Variants in LMNTD1 observed in about 807,000 individuals in gnomAD.
The protein encoded by LMNTD1 is lamin tail domain containing 1.
LMNTD1 carries 35 observed loss-of-function variants against 50.9 expected under a neutral mutation model. The ratio of observed to expected loss-of-function variants is 0.69; its 90% CI spans 0.53 to 0.91. The LOEUF (loss-of-function observed/expected upper bound fraction) is 0.91, where lower values mean the gene tolerates loss of function less well. Ranked by LOEUF, LMNTD1 falls within the 40% of genes least tolerant of loss-of-function variation. LMNTD1 has a pLI of 0.00. For missense variants in LMNTD1, 470 were observed against 475.5 expected, an observed-to-expected ratio of 0.99 and a Z score of 0.11; for synonymous variants, 153 against 161.9, an observed-to-expected ratio of 0.94 and a Z score of 0.42.
intron 4 of LMNTD1, among the ~76,000 whole-genome samples, chr12:25,527,504 T>C (rs1023898372): frequency 1.3e-5 from 2 of 150,970 alleles, no homozygotes; most frequent in African/African-American, 4.9e-5. Context: ...TGTATCAGCA[T>C]TTTTCAGATT....
intron 1 of LMNTD1, among the ~76,000 whole-genome samples, chr12:25,600,119 G>A (rs1227291653): frequency 6.6e-6 from 1 of 151,756 alleles, no homozygotes; most frequent in Non-Finnish European, 1.5e-5. Flanking sequence ...AATGAAATAG[G>A]ATAGAGAGCT....
chr12:25,571,339 T>TTTTTTTTA (rs903664540), intron 1 of LMNTD1, among the ~76,000 whole-genome samples: 98 of 148,788 alleles, frequency 6.6e-4, no homozygotes, highest in Admixed American at 3.9e-3. Context: ...AAAAAAGTAT[T>TTTTTTTTA]TTTATTTATT....
intron 1 of LMNTD1, among the ~76,000 whole-genome samples, chr12:25,596,159 G>C (rs936786662): frequency 3.6e-4 from 54 of 151,954 alleles, no homozygotes; most frequent in African/African-American, 1.3e-3. Flanking sequence ...AAGAAGAATT[G>C]GTACCAATCC....
chr12:25,581,323 A>G (rs1181722289), intron 1 of LMNTD1, among the ~76,000 whole-genome samples: 1 of 152,168 alleles, frequency 6.6e-6, no homozygotes, highest in African/African-American at 2.4e-5. Flanking sequence ...TTCATTTTCA[A>G]TGGAGGCATC....
intron 1 of LMNTD1, among the ~76,000 whole-genome samples, chr12:25,640,756 G>A (rs1423953232): frequency 1.3e-5 from 2 of 151,636 alleles, no homozygotes; most frequent in African/African-American, 2.4e-5. Flanking sequence ...TCCACCTCCC[G>A]GGTTCACGCC....
chr12:25,481,231 T>C (rs928255578), intron 9 of LMNTD1, among the ~76,000 whole-genome samples: 1 of 152,028 alleles, frequency 6.6e-6, no homozygotes, highest in South Asian at 2.1e-4. Flanking sequence ...CAGTTCCTTA[T>C]CATCCTTCTC....
intron 1 of LMNTD1, among the ~76,000 whole-genome samples, chr12:25,598,766 T>C (rs1317244059): frequency 6.6e-6 from 1 of 151,960 alleles, no homozygotes; most frequent in Admixed American, 6.6e-5. Context: ...ATGGACACGT[T>C]ACTGGACACA....
intron 4 of LMNTD1, among the ~76,000 whole-genome samples, chr12:25,528,537 A>G (rs1019528749): frequency 1.3e-5 from 2 of 152,212 alleles, no homozygotes; most frequent in African/African-American, 4.8e-5. Context: ...TGTCATCTTC[A>G]TGAGCCAAGT....
chr12:25,586,924 T>G (rs1362346533), intron 1 of LMNTD1, among the ~76,000 whole-genome samples: 2 of 152,194 alleles, frequency 1.3e-5, no homozygotes, highest in African/African-American at 2.4e-5. Flanking sequence ...TGACCTGACT[T>G]AAGACTTCTC....
intron 1 of LMNTD1, among the ~76,000 whole-genome samples, chr12:25,616,788 C>T (rs575082859): frequency 4.6e-5 from 7 of 152,182 alleles, no homozygotes; most frequent in East Asian, 3.9e-4. Flanking sequence ...GGAAAAAAAG[C>T]GAAACTATAG....
intron 9 of LMNTD1, among the ~76,000 whole-genome samples, chr12:25,497,188 G>A (rs1939109193): frequency 6.6e-6 from 1 of 152,096 alleles, no homozygotes; most frequent in Non-Finnish European, 1.5e-5. Flanking sequence ...AGTCAGCCAG[G>A]TGGGAGGGGT....
intron 1 of LMNTD1, among the ~76,000 whole-genome samples, chr12:25,646,688 C>T (rs544358083): frequency 6.6e-6 from 1 of 152,126 alleles, no homozygotes. Flanking sequence ...GATAGGTCAC[C>T]ACCGACTGAA....
intron 1 of LMNTD1, among the ~76,000 whole-genome samples, chr12:25,634,051 C>A (rs538962523): frequency 1.3e-5 from 2 of 152,264 alleles, no homozygotes; most frequent in South Asian, 4.1e-4. Flanking sequence ...CTGCTATGAA[C>A]ACCTTCATGC....
intron 1 of LMNTD1, among the ~76,000 whole-genome samples, chr12:25,603,165 A>G (rs1946015571): frequency 6.6e-6 from 1 of 152,030 alleles, no homozygotes. Flanking sequence ...GGAGCACTTG[A>G]TTTAGTGTCA....
chr12:25,610,094 A>G (rs1392110167), intron 1 of LMNTD1, among the ~76,000 whole-genome samples: 1 of 152,042 alleles, frequency 6.6e-6, no homozygotes, highest in Non-Finnish European at 1.5e-5. Flanking sequence ...TTGCAGTTCT[A>G]TCTTGGACTA....
At chr12:25,537,005 C>T (rs1294768905) in intron 4 of LMNTD1, among the ~76,000 whole-genome samples, 6 of 152,234 alleles carry the variant, frequency 3.9e-5, no homozygotes, top group Admixed American at 3.9e-4. Context: ...CACCCGAATA[C>T]TGCGCTTTTC....
intron 9 of LMNTD1, among the ~76,000 whole-genome samples, chr12:25,497,023 G>A (rs1180018542): frequency 1.7e-4 from 26 of 151,990 alleles, no homozygotes; most frequent in Admixed American, 1.7e-3. Flanking sequence ...CCACGTTGTA[G>A]CATGTATTAG....
At chr12:25,550,113 T>C (rs1943664892) in intron 2 of LMNTD1, among the ~76,000 whole-genome samples, 1 of 152,210 alleles carries the variant, frequency 6.6e-6, no homozygotes, top group Admixed American at 6.6e-5. Context: ...TTTGTGTGTG[T>C]GTATGTGTAT....
rs1943638463 is a variant in LMNTD1, at chr12:25,549,559, A to G, written c.90-13T>C. 1.5e-6 allele frequency: 2 copies of G among 1,372,126 alleles called. No homozygotes were observed. The highest frequency in any genetic ancestry group is 3.0e-5 in the African/African-American group (2 of 67,754). 85.0% of individuals were successfully genotyped at this position (1,372,126 alleles called of 1,614,324 possible). A position where few individuals can be genotyped will look rare whatever the true frequency, so the allele number is the denominator to read the frequency against. The stretch of plus-strand genomic sequence containing the variant: ...TTTGTCTTCTCTTCTGTGTACAAAA[A>G]ATATAATATAAATAAATAAATAAGA... On this transcript the variant is annotated splice_polypyrimidine_tract_variant and intron_variant, in intron 2 of 9. Transcript: ENST00000458174.
Sources: allele counts gnomAD v4.1 joint callset (sites outside exome capture counted in the v4.1 genomes callset), GRCh38; gene constraint gnomAD v4.1.1; transcripts MANE v1.5; gene names NCBI Gene and HGNC (gene_info 2026-07-23, HGNC 2026-07-21).